Variants in RBFOX1 observed in about 807,000 individuals in gnomAD.
RBFOX1 encodes RNA binding protein fox-1 homolog 1.
Under a neutral mutation model 57.7 loss-of-function variants are expected in RBFOX1, and 8 were observed. That is an observed-to-expected ratio of 0.14 (90% CI 0.08 to 0.25). The LOEUF (loss-of-function observed/expected upper bound fraction) is 0.25, where lower values mean the gene tolerates loss of function less well. Ranked by LOEUF, RBFOX1 falls within the 10% of genes least tolerant of loss-of-function variation. The pLI is 1.00. For missense variants in RBFOX1, 611 were observed against 548.5 expected (o/e 1.11, Z -1.14); for synonymous variants, 326 against 222.4 (o/e 1.47, Z -4.15).
intron 14 of RBFOX1, among the ~76,000 whole-genome samples, chr16:7,681,570 G>A (rs1258259002): frequency 2.0e-5 from 3 of 152,044 alleles, no homozygotes; most frequent in Non-Finnish European, 4.4e-5. Flanking sequence ...GTTCTTATCC[G>A]ATGATATATA....
chr16:7,619,949 C>T (rs1387672688), intron 10 of RBFOX1, among the ~76,000 whole-genome samples: 1 of 152,166 alleles, frequency 6.6e-6, no homozygotes, highest in Non-Finnish European at 1.5e-5. Flanking sequence ...TATGGTCTGT[C>T]CCCTGACTTC....
At chr16:5,263,846 T>C (rs1596334382) in intron 1 of RBFOX1, among the ~76,000 whole-genome samples, 1 of 152,200 alleles carries the variant, frequency 6.6e-6, no homozygotes, top group Non-Finnish European at 1.5e-5. Flanking sequence ...GGAATTTATT[T>C]GTGATGGTTA....
intron 5 of RBFOX1, among the ~76,000 whole-genome samples, chr16:7,556,465 G>C (rs2088520399): frequency 6.6e-6 from 1 of 152,160 alleles, no homozygotes; most frequent in Admixed American, 6.6e-5. Flanking sequence ...TCCCATGATG[G>C]CCACAGGTAA....
At chr16:7,144,417 C>CTTT (rs1190886141) in intron 4 of RBFOX1, among the ~76,000 whole-genome samples, 7,941 of 67,052 alleles carry the variant, frequency 0.12, 556 homozygotes, top group East Asian at 0.33. Flanking sequence ...TTTCTTTCTT[C>CTTT]TTTTTTTTTT....
At chr16:7,480,214 T>C (rs2191389) in intron 4 of RBFOX1, among the ~76,000 whole-genome samples, 76 of 152,102 alleles carry the variant, frequency 5.0e-4, no homozygotes, top group African/African-American at 1.7e-3. Flanking sequence ...TGTTCGTCTT[T>C]TTCTGCCTGC....
rs151106697 is a variant in RBFOX1 at position 7,451,253 on chromosome 16, A to G, written c.28-66894A>G. Among the ~76,000 whole-genome samples the G allele has an allele frequency of 6.5e-4, 99 of 152,332 alleles. 1 individual carries two copies. The highest frequency in any genetic ancestry group is 6.8e-3 in the Middle Eastern group (2 of 294). ...ATCATATAATATTGAATTCAGTTCT[A>G]TGAGCTTTTGCTATGTACTTATTCT... is the stretch of plus-strand genomic sequence containing the variant. On this transcript the variant is annotated intron_variant, in intron 4 of 15. Transcript: ENST00000550418.
chr16:7,612,307 C>G (rs372550826), intron 10 of RBFOX1, among the ~76,000 whole-genome samples: 5 of 112,288 alleles, frequency 4.5e-5, no homozygotes, highest in African/African-American at 7.3e-5. Context: ...GGTAACAGAG[C>G]GAGACTCCAT....
At chr16:5,410,470 A>G (rs2066991094) in intron 1 of RBFOX1, among the ~76,000 whole-genome samples, 1 of 152,218 alleles carries the variant, frequency 6.6e-6, no homozygotes, top group Admixed American at 6.5e-5. Flanking sequence ...TACAAATAAG[A>G]CTATTTCAAG....
At chr16:5,455,590 C>G (rs1259701945) in intron 1 of RBFOX1, among the ~76,000 whole-genome samples, 3 of 152,094 alleles carry the variant, frequency 2.0e-5, no homozygotes, top group African/African-American at 7.2e-5. Context: ...TTTTTTCTCC[C>G]TTAGGTTTCT....
chr16:6,330,529 T>A (rs11077031), intron 2 of RBFOX1, among the ~76,000 whole-genome samples: 44,467 of 152,062 alleles, frequency 0.29, 7,767 homozygotes, highest in Middle Eastern at 0.39. Flanking sequence ...CATCTCTTCC[T>A]TACTGGAATT....
At chr16:6,353,467 G>T (rs1028024147) in intron 2 of RBFOX1, among the ~76,000 whole-genome samples, 1 of 151,904 alleles carries the variant, frequency 6.6e-6, no homozygotes, top group Admixed American at 6.6e-5. Flanking sequence ...GTAATAAGCT[G>T]CAAAGTACTT....
chr16:5,272,568 A>G (rs560338984), intron 1 of RBFOX1, among the ~76,000 whole-genome samples: 40 of 152,254 alleles, frequency 2.6e-4, no homozygotes, highest in Middle Eastern at 6.8e-3. Flanking sequence ...TGCTGCCTCT[A>G]CCGATACCCC....
intron 3 of RBFOX1, among the ~76,000 whole-genome samples, chr16:5,690,913 T>C (rs2050657467): frequency 6.6e-6 from 1 of 152,138 alleles, no homozygotes; most frequent in African/African-American, 2.4e-5. Context: ...GAACTGCTCA[T>C]TCCCAGTAGG....
chr16:7,035,865 A>G (rs989240492), intron 3 of RBFOX1, among the ~76,000 whole-genome samples: 15 of 151,452 alleles, frequency 9.9e-5, no homozygotes, highest in African/African-American at 3.6e-4. Flanking sequence ...TAAGCTTTCC[A>G]GGAAGAATGT....
intron 1 of RBFOX1, among the ~76,000 whole-genome samples, chr16:6,244,468 TG>T (rs1426413418): frequency 6.6e-6 from 1 of 152,192 alleles, no homozygotes; most frequent in East Asian, 1.9e-4. Context: ...GTTTTACAGT[TG>T]GGTATCCAAG....
At chr16:7,650,394 C>G (rs141513733) in intron 11 of RBFOX1, among the ~76,000 whole-genome samples, 2 of 151,764 alleles carry the variant, frequency 1.3e-5, no homozygotes, top group African/African-American at 4.8e-5. Flanking sequence ...TCAGTCCTTC[C>G]TGTGTTCTTT....
chr16:7,373,069 C>G (rs1301583287), intron 4 of RBFOX1, among the ~76,000 whole-genome samples: 2 of 151,768 alleles, frequency 1.3e-5, no homozygotes, highest in African/African-American at 4.8e-5. Flanking sequence ...GTAGCTGGGA[C>G]TACAGGTGCC....
intron 4 of RBFOX1, among the ~76,000 whole-genome samples, chr16:5,904,185 T>C (rs760738280): frequency 5.9e-5 from 9 of 151,978 alleles, no homozygotes; most frequent in Non-Finnish European, 1.2e-4. Context: ...GCCTCAACAG[T>C]GATTAGATCC....
intron 4 of RBFOX1, among the ~76,000 whole-genome samples, chr16:5,914,579 TGAGA>T (rs369377570): frequency 6.6e-6 from 1 of 151,138 alleles, no homozygotes; most frequent in African/African-American, 2.4e-5. Flanking sequence ...CAGCTGGTGA[TGAGA>T]GAGAGAGAGC....
Sources: gnomAD v4.1 joint callset for allele counts (sites outside exome capture counted in the v4.1 genomes callset) on GRCh38, gnomAD v4.1.1 for gene constraint, MANE v1.5 for transcripts, NCBI Gene and HGNC (gene_info 2026-07-23, HGNC 2026-07-21) for gene names.